The following FMN2 variants were observed in gnomAD, a reference collection of about 807,000 sequenced individuals.
The protein encoded by FMN2 is formin 2.
Under a neutral mutation model 142.3 loss-of-function variants are expected in FMN2, and 51 were observed. The observed-to-expected ratio is 0.36, with a 90% CI of 0.29 to 0.45. The LOEUF (loss-of-function observed/expected upper bound fraction) is 0.45, where lower values mean the gene tolerates loss of function less well. Ranked by LOEUF, FMN2 falls within the 20% of genes least tolerant of loss-of-function variation. The pLI is 1.00. For synonymous variants in FMN2, 882 were observed against 869.8 expected (o/e 1.01, Z -0.25); for missense variants, 1,936 against 2,122.8 (o/e 0.91, Z 1.73).
chr1:240,324,661 C>T (rs1337814704), intron 8 of FMN2, among the ~76,000 whole-genome samples: 4 of 141,152 alleles, frequency 2.8e-5, no homozygotes, highest in Non-Finnish European at 6.1e-5. Flanking sequence ...AGAGTGAGAC[C>T]CTGTCGAAAG....
rs1366549769 is a variant in FMN2 at position 240,092,143 on chromosome 1, G to T, written c.34G>T (p.Ala12Ser). The change falls in exon 1 of 18, where the codon GCA becomes TCA. Residue 12 changes from alanine to serine, a missense_variant. Transcript: ENST00000319653. ...CCAGGATGGGAAGCTGAAGAGGAGC[G>T]CAGGTGATGCTTTGCACGAAGGCGG... Reference protein sequence around the residue: ...GNQDGKLKRSAGDALHEGGGG... With the variant: ...GNQDGKLKRSSGDALHEGGGG... The T allele has an allele frequency of 2.6e-6, 4 of 1,564,586 alleles. No homozygotes were observed. The highest frequency in any genetic ancestry group is 2.3e-5 in the East Asian group (1 of 42,776).
intron 4 of FMN2, among the ~76,000 whole-genome samples, chr1:240,188,572 C>A (rs1376373952): frequency 6.6e-6 from 1 of 152,182 alleles, no homozygotes; most frequent in Non-Finnish European, 1.5e-5. Flanking sequence ...AGGGAGAAGT[C>A]TGCGAGATGT....
At chr1:240,338,361 G>T (rs1439333177) in intron 13 of FMN2, among the ~76,000 whole-genome samples, 3 of 152,088 alleles carry the variant, frequency 2.0e-5, no homozygotes, top group Non-Finnish European at 4.4e-5. Flanking sequence ...GTTCATTTCT[G>T]ATATTTCCTT....
In FMN2 at chr1:240,094,241, A is replaced by C. The variant is rs532332664; in HGVS notation, c.1615+517A>C. 6.6e-5 allele frequency among the ~76,000 whole-genome samples: 10 copies of C among 152,332 alleles called. No individual in the cohort carries two copies. The South Asian group carries it at 1.9e-3, about 28-fold the overall frequency. On this transcript the variant is annotated intron_variant, in intron 1 of 17. Transcript: ENST00000319653. ...TGTCCACGTTTGGTATGTATGTGAT[A>C]TGTAGTTTCTATCTTGCAGCAGTCT...
intron 2 of FMN2, chr1:240,144,665 T>C: frequency 7.7e-7 from 1 of 1,290,576 alleles, no homozygotes; most frequent in Non-Finnish European, 1.1e-6. Flanking sequence ...AGACACATAA[T>C]TCACACAACT....
rs774087795 is a variant in FMN2 at position 240,093,300 on chromosome 1, G to T, written c.1191G>T (p.Leu397=). ...CTGACGCCCCCGCGGCCGCTTCCCTGCCCGGCAGCCCCGCGCCTAGCCAGC... is the reference window on the plus strand; with the variant it reads ...CTGACGCCCCCGCGGCCGCTTCCCTTCCCGGCAGCCCCGCGCCTAGCCAGC... ...QGPDAPAAAS[L]PGSPAPSQRC... Residue 397 remains leucine, a synonymous_variant, in exon 1 of 18, where the codon CTG becomes CTT. Transcript: ENST00000319653. 2 of 1,607,412 alleles carry T rather than the reference G, an allele frequency of 1.2e-6. No homozygotes were observed. The highest frequency in any genetic ancestry group is 1.7e-6 in the Non-Finnish European group (2 of 1,177,576).
rs777197512 is a variant in FMN2, at chr1:240,207,034, C to T, written c.2222C>T (p.Ala741Val). 12 of 1,614,122 alleles carry T rather than the reference C, an allele frequency of 7.4e-6. No homozygotes were observed. Among genetic ancestry groups the T allele is most frequent in the East Asian group, 4.5e-5 (2 of 44,868 alleles). Residue 741 changes from alanine to valine, a missense_variant, in exon 5 of 18, where the codon GCG becomes GTG. By Grantham distance (64) the Ala-to-Val change is moderately conservative (BLOSUM62 0). Transcript: ENST00000319653. ...KEVRHHRILE[A>V]KSIQTSPTEE... Reference sequence around the variant, plus strand: ...GTACGGCATCATAGGATTTTAGAGGCGAAATCGATACAGACTTCCCCCACG... The same window carrying T: ...GTACGGCATCATAGGATTTTAGAGGTGAAATCGATACAGACTTCCCCCACG...
At chr1:240,452,851 A>G (rs1676107298) in intron 16 of FMN2, among the ~76,000 whole-genome samples, 1 of 152,184 alleles carries the variant, frequency 6.6e-6, no homozygotes, top group Admixed American at 6.6e-5. Flanking sequence ...TGACAGAAGC[A>G]CTCATAATTC....
At chr1:240,228,327 AAAAAAGAAAAAGAAAAAG>A (rs1186396133) in intron 6 of FMN2, among the ~76,000 whole-genome samples, 1 of 78,388 alleles carries the variant, frequency 1.3e-5, no homozygotes, top group South Asian at 4.3e-4. Context: ...AAAAAAAAAA[AAAAAAGAAAAAGAAAAAG>A]AAAAAGAAAG....
At chr1:240,125,039 A>G (rs879677024) in intron 2 of FMN2, among the ~76,000 whole-genome samples, 2 of 152,210 alleles carry the variant, frequency 1.3e-5, no homozygotes, top group Admixed American at 1.3e-4. Flanking sequence ...GCCTTCTTCA[A>G]TATATAGGAA....
chr1:240,194,397 G>C (rs2103359141), intron 4 of FMN2, among the ~76,000 whole-genome samples: 1 of 152,284 alleles, frequency 6.6e-6, no homozygotes, highest in East Asian at 1.9e-4. Context: ...TTTTATATCA[G>C]TGGCAACTAT....
chr1:240,213,675 G>A (rs916286205), intron 6 of FMN2, among the ~76,000 whole-genome samples: 6 of 152,310 alleles, frequency 3.9e-5, no homozygotes, highest in South Asian at 2.1e-4. Flanking sequence ...CTTTAATGCC[G>A]TGGCATATGT....
chr1:240,313,734 G>A (rs1670669420), intron 8 of FMN2, among the ~76,000 whole-genome samples: 1 of 152,152 alleles, frequency 6.6e-6, no homozygotes, highest in South Asian at 2.1e-4. Flanking sequence ...TTGGGAGGCT[G>A]AGGCAGGTGG....
At chr1:240,170,970 A>C in intron 2 of FMN2, 1 of 791,334 alleles carries the variant, frequency 1.3e-6, no homozygotes, top group Non-Finnish European at 2.3e-6. Context: ...ACTCCTTTGA[A>C]TGTATTAGGA....
In FMN2 at chr1:240,229,740, C is replaced by T. The variant is rs1021058428; in HGVS notation, c.4065+18505C>T. 2.0e-4 allele frequency among the ~76,000 whole-genome samples: 15 copies of T among 74,578 alleles called. 5 individuals are homozygous for T. The highest frequency in any genetic ancestry group is 7.2e-4 in the African/African-American group (9 of 12,524). 48.9% of individuals were successfully genotyped at this position (74,578 alleles called of 152,430 possible). A position where few individuals can be genotyped will look rare whatever the true frequency, so the allele number is the denominator to read the frequency against. On this transcript the variant is annotated intron_variant, in intron 6 of 17. Coordinates refer to ENST00000319653, the MANE Select transcript of FMN2 (RefSeq NM_020066.5). The stretch of plus-strand genomic sequence containing the variant: ...CAGCTCACTGCAGCCTCTGCCTCCC[C>T]GGTTCCAGCGATTCTCCTGCCTCAG...
intron 6 of FMN2, among the ~76,000 whole-genome samples, chr1:240,241,244 A>AT (rs75842695): frequency 0.029 from 3,925 of 136,502 alleles, 128 homozygotes; most frequent in African/African-American, 0.082. Flanking sequence ...TTTTAATTGT[A>AT]TTTTTTTTTT....
intron 6 of FMN2, 134 bp from the exon 7 acceptor site, chr1:240,257,811 T>A (rs759181655): frequency 1.0e-5 from 7 of 691,452 alleles, no homozygotes; most frequent in Non-Finnish European, 1.7e-5. Flanking sequence ...AAAAAAACAC[T>A]GTTTTGAATA....
In FMN2 at chr1:240,207,273, G is replaced by GGGC; in HGVS notation, c.2462_2464dup (p.Gly821_Gln822insArg). The GGGC allele has an allele frequency of 6.2e-7, 1 of 1,613,964 alleles. No individual in the cohort carries two copies. Among genetic ancestry groups the GGGC allele is most frequent in the Non-Finnish European group, 8.5e-7 (1 of 1,179,924 alleles). On this transcript the variant is annotated inframe_insertion, in exon 5 of 18. Transcript: ENST00000319653. ...ACCTCCATCCCTTCTGTGGTCTGCT[G>GGGC]GGCAAGGACAGCCTGGGTCACAGCC...
chr1:240,171,469 T>G (rs1244517649), intron 2 of FMN2, among the ~76,000 whole-genome samples: 5 of 152,136 alleles, frequency 3.3e-5, no homozygotes, highest in Non-Finnish European at 7.3e-5. Context: ...TGGACTCTCC[T>G]CCACATAAAT....
Sources: gnomAD v4.1 joint callset for allele counts (sites outside exome capture counted in the v4.1 genomes callset) on GRCh38, gnomAD v4.1.1 for gene constraint, MANE v1.5 for transcripts, NCBI Gene and HGNC (gene_info 2026-07-23, HGNC 2026-07-21) for gene names.